Variants in MCPH1 observed in about 807,000 individuals in gnomAD.
MCPH1 encodes microcephalin.
In MCPH1, 104 loss-of-function variants were observed where a neutral mutation model predicts 84.5. That is an observed-to-expected ratio of 1.23 (90% CI 1.05 to 1.45). The LOEUF is 1.45. Ranked by LOEUF, MCPH1 falls within the 40% of genes most tolerant of loss-of-function variation. The probability of loss-of-function intolerance (pLI) is 0.00; values close to 1 mark genes in which losing one functional copy is unlikely to be tolerated. For missense variants in MCPH1, 1,498 were observed against 1,005.7 expected, an observed-to-expected ratio of 1.49 and a Z score of -6.62; for synonymous variants, 514 against 366.8, an observed-to-expected ratio of 1.40 and a Z score of -4.58.
At chr8:6,565,257 C>T (rs1377842392) in intron 12 of MCPH1, among the ~76,000 whole-genome samples, 3 of 152,184 alleles carry the variant, frequency 2.0e-5, no homozygotes, top group Non-Finnish European at 4.4e-5. Context: ...CTTTTCTTTA[C>T]AGGCATGCTC....
At chr8:6,538,042 T>A (rs2959808) in intron 12 of MCPH1, among the ~76,000 whole-genome samples, 117,757 of 152,130 alleles carry the variant, frequency 0.77, 46,087 homozygotes, top group Middle Eastern at 0.84. Context: ...CCTTGGAAAC[T>A]TTTTACTGTT....
intron 12 of MCPH1, among the ~76,000 whole-genome samples, chr8:6,522,326 G>T (rs549506725): frequency 6.6e-6 from 1 of 152,016 alleles, no homozygotes; most frequent in South Asian, 2.1e-4. Flanking sequence ...CTGCACTCCA[G>T]CCTGGGCGAC....
intron 12 of MCPH1, chr8:6,527,823 C>T: frequency 2.6e-6 from 2 of 775,160 alleles, no homozygotes; most frequent in Non-Finnish European, 3.8e-6. Context: ...GCATATTTTT[C>T]ATTTTCAGAA....
At chr8:6,447,641 C>G (rs909815457) in intron 8 of MCPH1, among the ~76,000 whole-genome samples, 8 of 152,108 alleles carry the variant, frequency 5.3e-5, no homozygotes, top group Admixed American at 2.0e-4. Flanking sequence ...ACCTCCGCCT[C>G]CCGAGTTCAA....
At chr8:6,579,275 G>A (rs1172122888) in intron 12 of MCPH1, among the ~76,000 whole-genome samples, 1 of 152,216 alleles carries the variant, frequency 6.6e-6, no homozygotes, top group Non-Finnish European at 1.5e-5. Context: ...TGTCTGATGC[G>A]TGAGTTCGCC....
chr8:6,496,415 G>A (rs981285075), intron 11 of MCPH1, among the ~76,000 whole-genome samples: 3 of 152,126 alleles, frequency 2.0e-5, no homozygotes, highest in Non-Finnish European at 4.4e-5. Flanking sequence ...CTGCTGTGTG[G>A]CCCCGTTCCT....
chr8:6,494,212 T>A (rs1810985689), intron 11 of MCPH1: 1 of 152,232 alleles, frequency 6.6e-6, no homozygotes, highest in African/African-American at 2.4e-5. Context: ...GAACTGGGAT[T>A]ACAGATGTGA....
At chr8:6,411,311 G>T (rs972375605) in intron 2 of MCPH1, among the ~76,000 whole-genome samples, 4 of 152,184 alleles carry the variant, frequency 2.6e-5, no homozygotes, top group African/African-American at 9.7e-5. Context: ...AAGGAAGCCA[G>T]TGAAGGTTAT....
At chr8:6,477,342 G>A (rs1263321728) in intron 9 of MCPH1, 1 of 463,488 alleles carries the variant, frequency 2.2e-6, no homozygotes, top group Non-Finnish European at 3.8e-6. Context: ...GATTCCTGGG[G>A]GAAATTTTTT....
Position 6,484,549 on chromosome 8 carries a change from G to A in MCPH1, c.2136+3673G>A, listed in dbSNP as rs145181685. On this transcript the variant is annotated intron_variant, in intron 11 of 13. Transcript: ENST00000344683. ...TTGCCTCGGAGAAATGAAAGCTTGT[G>A]TTCACACAGAGTCTGTACGCGAATA... Among the ~76,000 whole-genome samples, 1,047 of 152,338 alleles carry A rather than the reference G, an allele frequency of 6.9e-3. 8 individuals carry two copies. The highest frequency in any genetic ancestry group is 0.018 in the South Asian group (86 of 4,830).
chr8:6,598,072 T>C (rs1240602242), intron 12 of MCPH1, among the ~76,000 whole-genome samples: 1 of 152,186 alleles, frequency 6.6e-6, no homozygotes, highest in African/African-American at 2.4e-5. Context: ...TATTTAGTTA[T>C]ACTTGTGCCT....
intron 9 of MCPH1, among the ~76,000 whole-genome samples, chr8:6,461,488 A>T (rs151103141): frequency 0.012 from 1,690 of 146,652 alleles, 34 homozygotes; most frequent in African/African-American, 0.043. Context: ...CACCATGCCC[A>T]GCTAATTTTT....
chr8:6,530,899 C>T (rs1224774342), intron 12 of MCPH1, among the ~76,000 whole-genome samples: 1 of 152,220 alleles, frequency 6.6e-6, no homozygotes, highest in Non-Finnish European at 1.5e-5. Context: ...TCTCCCCTCT[C>T]ATGTCCTCTC....
At chr8:6,553,769 T>A (rs891455880) in intron 12 of MCPH1, among the ~76,000 whole-genome samples, 2 of 152,068 alleles carry the variant, frequency 1.3e-5, no homozygotes, top group African/African-American at 4.8e-5. Context: ...CCCATCCCCT[T>A]TTGGGACTTC....
chr8:6,495,493 A>G (rs1811126868), intron 11 of MCPH1, among the ~76,000 whole-genome samples: 2 of 152,246 alleles, frequency 1.3e-5, no homozygotes, highest in South Asian at 4.1e-4. Flanking sequence ...GCAAACTCTC[A>G]TAAATGTTGT....
At chr8:6,640,093 TGTGTGCGCGCGC>T (rs1797841076) in intron 13 of MCPH1, among the ~76,000 whole-genome samples, 1 of 141,702 alleles carries the variant, frequency 7.1e-6, no homozygotes, top group Non-Finnish European at 1.5e-5. Context: ...TGTGTGTGTG[TGTGTGCGCGCGC>T]GTGTGTGTGT....
chr8:6,607,140 C>T (rs1829847443), intron 12 of MCPH1, among the ~76,000 whole-genome samples: 1 of 152,236 alleles, frequency 6.6e-6, no homozygotes, highest in Admixed American at 6.5e-5. Context: ...TCACTTTCCC[C>T]TCCTTGCCCT....
chr8:6,595,544 G>T (rs548218433), intron 12 of MCPH1, among the ~76,000 whole-genome samples: 59 of 152,378 alleles, frequency 3.9e-4, no homozygotes, highest in African/African-American at 1.4e-3. Context: ...CAGTCGGGAT[G>T]AACTGGCAGG....
intron 8 of MCPH1, among the ~76,000 whole-genome samples, chr8:6,451,764 A>T (rs1805116965): frequency 6.6e-6 from 1 of 152,228 alleles, no homozygotes. Flanking sequence ...TACATTGTAA[A>T]ATAATTTCAT....
Sources: allele counts gnomAD v4.1 joint callset (sites outside exome capture counted in the v4.1 genomes callset), GRCh38; gene constraint gnomAD v4.1.1; transcripts MANE v1.5; gene names NCBI Gene and HGNC (gene_info 2026-07-23, HGNC 2026-07-21).